The following GRIA4 variants were observed in gnomAD, a reference collection of about 807,000 sequenced individuals.
GRIA4 encodes glutamate receptor 4.
Under a neutral mutation model 104.0 loss-of-function variants are expected in GRIA4, and 34 were observed. The ratio of observed to expected loss-of-function variants is 0.33; its 90% CI spans 0.25 to 0.44. GRIA4 has a LOEUF of 0.44. Among genes scored for constraint, GRIA4 ranks in the 20% least tolerant of loss-of-function variants. GRIA4 has a pLI of 1.00. For missense variants in GRIA4, 750 were observed against 1,096.5 expected (o/e 0.68, Z 4.46); for synonymous variants, 386 against 381.9 (o/e 1.01, Z -0.13).
Position 105,794,479 on chromosome 11 carries a change from A to G in GRIA4, c.487+41259A>G, listed in dbSNP as rs1250187298. On this transcript the variant is annotated intron_variant, in intron 4 of 16. Coordinates refer to ENST00000282499, the MANE Select transcript of GRIA4 (RefSeq NM_000829.4). ...TGTGTGTGTGTATATGTATGTATAT[A>G]TATATATATATATATATATATATAT... Among the ~76,000 whole-genome samples the G allele has an allele frequency of 1.0e-3, 95 of 94,746 alleles. 1 individual carries two copies. Among genetic ancestry groups the G allele is most frequent in the East Asian group, 5.9e-3 (20 of 3,396 alleles). The allele number at this position is 94,746 out of a possible 152,430, so 62.2% of individuals were successfully genotyped here. A position where few individuals can be genotyped will look rare whatever the true frequency, so the allele number is the denominator to read the frequency against.
intron 10 of GRIA4, among the ~76,000 whole-genome samples, chr11:105,913,793 A>G (rs1268793658): frequency 1.3e-5 from 2 of 152,068 alleles, no homozygotes; most frequent in South Asian, 2.1e-4. Flanking sequence ...GCATTGCTCA[A>G]CTACAAAGAT....
At chr11:105,888,346 G>T (rs1452226917) in intron 6 of GRIA4, among the ~76,000 whole-genome samples, 8 of 138,492 alleles carry the variant, frequency 5.8e-5, no homozygotes, top group African/African-American at 2.1e-4. Context: ...TGCAGTGGCG[G>T]GATCTCGGCT....
chr11:105,958,456 A>G (rs1450204359), intron 14 of GRIA4, among the ~76,000 whole-genome samples: 1 of 152,190 alleles, frequency 6.6e-6, no homozygotes, highest in Admixed American at 6.5e-5. Context: ...CATCCCAGGG[A>G]TGAAGCCCAC....
chr11:105,874,207 G>A (rs1311781370), intron 5 of GRIA4, among the ~76,000 whole-genome samples: 1 of 152,140 alleles, frequency 6.6e-6, no homozygotes, highest in Admixed American at 6.5e-5. Flanking sequence ...TGTAAGGTTT[G>A]TCAAAGATCA....
chr11:105,966,402 G>A (rs1039940197), intron 14 of GRIA4, among the ~76,000 whole-genome samples: 4 of 151,876 alleles, frequency 2.6e-5, no homozygotes, highest in Non-Finnish European at 4.4e-5. Context: ...GGAGCAGGGC[G>A]GTAAGCCTGT....
At chr11:105,639,616 G>A (rs182065325) in intron 3 of GRIA4, among the ~76,000 whole-genome samples, 297 of 151,910 alleles carry the variant, frequency 2.0e-3, no homozygotes, top group African/African-American at 7.0e-3. Context: ...CAATGATGTT[G>A]CTATCATACT....
At chr11:105,668,247 AC>A (rs1216611451) in intron 3 of GRIA4, among the ~76,000 whole-genome samples, 2 of 144,170 alleles carry the variant, frequency 1.4e-5, no homozygotes, top group Admixed American at 7.0e-5. Flanking sequence ...ATATATATAT[AC>A]TATATTATAT....
intron 3 of GRIA4, among the ~76,000 whole-genome samples, chr11:105,620,727 C>A (rs551400902): frequency 6.6e-6 from 1 of 151,882 alleles, no homozygotes; most frequent in African/African-American, 2.4e-5. Context: ...AGTGTAAAAA[C>A]GACTAAATGA....
In GRIA4 at chr11:105,883,837, T is replaced by G. The variant is rs186274715; in HGVS notation, c.673-3682T>G. Among the ~76,000 whole-genome samples, 275 of 152,294 alleles carry G rather than the reference T, an allele frequency of 1.8e-3. 1 individual carries two copies. The highest frequency in any genetic ancestry group is 8.3e-3 in the South Asian group (40 of 4,826). Reference sequence around the variant, plus strand: ...GAATGGTATTTCTAGTTCTAGATCCTTGAGGAATCGCCCCACTGTCTTCTA... The same window carrying G: ...GAATGGTATTTCTAGTTCTAGATCCGTGAGGAATCGCCCCACTGTCTTCTA... On this transcript the variant is annotated intron_variant, in intron 5 of 16. Transcript: ENST00000282499.
At chr11:105,771,059 T>C (rs1205137492) in intron 4 of GRIA4, among the ~76,000 whole-genome samples, 2 of 151,970 alleles carry the variant, frequency 1.3e-5, no homozygotes, top group Non-Finnish European at 2.9e-5. Context: ...ACTACACATA[T>C]CCAAAATTTC....
chr11:105,977,231 G>A (rs1859025014), intron 16 of GRIA4, among the ~76,000 whole-genome samples: 1 of 152,082 alleles, frequency 6.6e-6, no homozygotes, highest in East Asian at 1.9e-4. Flanking sequence ...AATGTTGAAA[G>A]GGAATCTAAG....
At chr11:105,748,113 A>G (rs1432918660) in intron 3 of GRIA4, among the ~76,000 whole-genome samples, 1 of 152,210 alleles carries the variant, frequency 6.6e-6, no homozygotes, top group Non-Finnish European at 1.5e-5. Context: ...ATGATTTTAC[A>G]TTTGGGGCAA....
In GRIA4 at chr11:105,657,135, A is replaced by G. The variant is rs1300213305; in HGVS notation, c.247+44701A>G. Among the ~76,000 whole-genome samples, 5 of 152,178 alleles carry G rather than the reference A, an allele frequency of 3.3e-5. No individual in the cohort carries two copies. In the East Asian group the frequency reaches 9.7e-4, roughly 29 times the overall value. ...AATACAGAACCAAGGAAATAACATT[A>G]TTGGATGTGGTAACCTTCAGTTCCA... On this transcript the variant is annotated intron_variant, in intron 3 of 16. Coordinates refer to ENST00000282499, the MANE Select transcript of GRIA4 (RefSeq NM_000829.4).
At chr11:105,925,287 T>C (rs910569226) in intron 12 of GRIA4, among the ~76,000 whole-genome samples, 2 of 152,208 alleles carry the variant, frequency 1.3e-5, no homozygotes, top group South Asian at 2.1e-4. Flanking sequence ...AGCTAAGCAA[T>C]AGGCAAAAAG....
At chr11:105,859,893 A>G (rs2136013781) in intron 4 of GRIA4, among the ~76,000 whole-genome samples, 2 of 152,308 alleles carry the variant, frequency 1.3e-5, no homozygotes, top group South Asian at 4.1e-4. Context: ...AGTTACCATC[A>G]GAGCATAAGC....
intron 4 of GRIA4, among the ~76,000 whole-genome samples, chr11:105,789,282 G>A (rs1942113612): frequency 6.6e-6 from 1 of 152,066 alleles, no homozygotes; most frequent in Admixed American, 6.6e-5. Context: ...CAAGCCATTG[G>A]AATTGCAATT....
chr11:105,910,399 T>C (rs1591435115), intron 9 of GRIA4, 36 bp from the exon 10 acceptor site: 2 of 1,016,612 alleles, frequency 2.0e-6, no homozygotes, highest in South Asian at 1.3e-5. Context: ...TAAATGCTTC[T>C]AAAATATGTT....
intron 10 of GRIA4, among the ~76,000 whole-genome samples, chr11:105,917,503 A>G (rs576081470): frequency 1.3e-5 from 2 of 152,348 alleles, no homozygotes; most frequent in East Asian, 3.9e-4. Flanking sequence ...TACAGTTTTA[A>G]GAGCAAATTC....
At chr11:105,765,067 T>G (rs1940868487) in intron 4 of GRIA4, among the ~76,000 whole-genome samples, 1 of 152,184 alleles carries the variant, frequency 6.6e-6, no homozygotes, top group Non-Finnish European at 1.5e-5. Context: ...ACCAAGTACA[T>G]GACCTTCAGC....
Sources: allele counts gnomAD v4.1 joint callset (sites outside exome capture counted in the v4.1 genomes callset), GRCh38; gene constraint gnomAD v4.1.1; transcripts MANE v1.5; gene names NCBI Gene and HGNC (gene_info 2026-07-23, HGNC 2026-07-21).